PDE6D: variants seen among roughly 807,000 people sequenced by gnomAD.
PDE6D encodes the protein phosphodiesterase 6D.
PDE6D carries 10 observed loss-of-function variants against 21.9 expected under a neutral mutation model. The observed-to-expected ratio is 0.46, with a 90% CI of 0.28 to 0.78. PDE6D has a LOEUF of 0.78. Ranked by LOEUF, PDE6D falls within the 30% of genes least tolerant of loss-of-function variation. The pLI, the probability that PDE6D is intolerant of heterozygous loss-of-function variation, is 0.12. For missense variants in PDE6D, 139 were observed against 184.8 expected (o/e 0.75, Z 1.44); for synonymous variants, 59 against 63.5 (o/e 0.93, Z 0.34).
At chr2:231,763,346 T>C (rs77844972) in intron 1 of PDE6D, among the ~76,000 whole-genome samples, 1,998 of 152,260 alleles carry the variant, frequency 0.013, 44 homozygotes, top group African/African-American at 0.046. Context: ...GAGCCTCTAT[T>C]CTCCTTTTTT....
At position 231,739,318 on chromosome 2, in the gene PDE6D, T is replaced by C. The variant is rs774802081; in HGVS notation, c.51-130A>G. Reference sequence around the variant, plus strand: ...AAGTTTGTCAAACTGCTCATTGCCATGGAAGCACATAAGAATGTGAGGAGA... The same window carrying C: ...AAGTTTGTCAAACTGCTCATTGCCACGGAAGCACATAAGAATGTGAGGAGA... On this transcript the variant is annotated intron_variant, in intron 1 of 4. Coordinates refer to ENST00000287600, the MANE Select transcript of PDE6D (RefSeq NM_002601.4). This position sits in a 1 kb window ranked among gnomAD's most constrained non-coding sequence, Gnocchi z 4.2. 5.3e-6 allele frequency: 4 copies of C among 756,210 alleles called. No homozygotes were observed. Among genetic ancestry groups the C allele is most frequent in the Non-Finnish European group, 7.3e-6 (3 of 411,256 alleles). The allele number at this position is 756,210 out of a possible 1,614,324, so 46.8% of individuals were successfully genotyped here.
chr2:231,742,408 C>A (rs2048757180), intron 1 of PDE6D, among the ~76,000 whole-genome samples: 1 of 152,164 alleles, frequency 6.6e-6, no homozygotes, highest in Admixed American at 6.5e-5. Flanking sequence ...CAGGTGTGAG[C>A]CACCTTGCCC....
At chr2:231,777,163 C>T (rs1439619995) in intron 1 of PDE6D, among the ~76,000 whole-genome samples, 2 of 152,110 alleles carry the variant, frequency 1.3e-5, no homozygotes, top group Non-Finnish European at 2.9e-5. Flanking sequence ...ACTCTTCTCA[C>T]AAAAACAGAT....
At chr2:231,754,585 T>C (rs2048868776) in intron 1 of PDE6D, among the ~76,000 whole-genome samples, 1 of 150,600 alleles carries the variant, frequency 6.6e-6, no homozygotes, top group African/African-American at 2.4e-5. Flanking sequence ...TTGGCCAGGC[T>C]GGTCTTGAAC....
intron 1 of PDE6D, among the ~76,000 whole-genome samples, chr2:231,752,797 T>C (rs1428445415): frequency 2.0e-5 from 3 of 149,816 alleles, no homozygotes; most frequent in Admixed American, 6.7e-5. Context: ...TAGATAGATA[T>C]ATACAGAGCA....
chr2:231,769,837 G>C (rs1021253567), intron 1 of PDE6D, among the ~76,000 whole-genome samples: 20 of 152,132 alleles, frequency 1.3e-4, no homozygotes, highest in African/African-American at 4.8e-4. Context: ...AAATACTTAA[G>C]GGGCCTTTGA....
At chr2:231,780,908 T>C (rs1162750777) in intron 1 of PDE6D, among the ~76,000 whole-genome samples, 157 bp downstream of exon 1, 1 of 151,984 alleles carries the variant, frequency 6.6e-6, no homozygotes, top group Non-Finnish European at 1.5e-5. Flanking sequence ...TCGCGCCGGG[T>C]CCCGCCGGGT....
chr2:231,737,336 T>C (rs759466852), intron 3 of PDE6D, 44 bp from the exon 4 acceptor site: 3 of 1,074,618 alleles, frequency 2.8e-6, no homozygotes, highest in Non-Finnish European at 2.9e-6. Flanking sequence ...TGCCCCAGTA[T>C]AAAGTTTAAG....
intron 1 of PDE6D, among the ~76,000 whole-genome samples, chr2:231,750,378 G>A (rs2048828472): frequency 6.6e-6 from 1 of 151,994 alleles, no homozygotes; most frequent in African/African-American, 2.4e-5. Context: ...TAAAATGACA[G>A]GTGGTATAGA....
chr2:231,752,657 T>C (rs1282519825), intron 1 of PDE6D, among the ~76,000 whole-genome samples: 1 of 152,056 alleles, frequency 6.6e-6, no homozygotes, highest in Non-Finnish European at 1.5e-5. Flanking sequence ...AACCTTGTAA[T>C]TCCTGGAAAA....
rs938872018 is a variant in PDE6D, at chr2:231,781,200, G to C, written c.-86C>G. The C allele has an allele frequency of 2.0e-5, 28 of 1,383,662 alleles. No individual in the cohort carries two copies. Among genetic ancestry groups the C allele is most frequent in the Non-Finnish European group, 2.9e-5 (28 of 981,768 alleles). The allele number at this position is 1,383,662 out of a possible 1,614,324, so 85.7% of individuals were successfully genotyped here. ...CCCAGGAGCCGAGGATGGAGCCGCA[G>C]CCCGGCTTGGAGACCTCGGGCTAGC... On this transcript the variant is annotated 5_prime_UTR_variant, in exon 1 of 5. Transcript: ENST00000287600.
chr2:231,736,254 A>T (rs571516861), intron 4 of PDE6D, among the ~76,000 whole-genome samples: 1 of 152,138 alleles, frequency 6.6e-6, no homozygotes, highest in Non-Finnish European at 1.5e-5. Flanking sequence ...CAAATTCAAT[A>T]TGGCTTTCAT....
At chr2:231,744,543 C>G (rs1415214232) in intron 1 of PDE6D, among the ~76,000 whole-genome samples, 1 of 151,616 alleles carries the variant, frequency 6.6e-6, no homozygotes, top group Non-Finnish European at 1.5e-5. Flanking sequence ...AAGTGATTCT[C>G]CTGCCTCAGC....
chr2:231,738,177 GAAA>G, intron 2 of PDE6D, 39 bp from the exon 3 acceptor site: 1 of 1,590,038 alleles, frequency 6.3e-7, no homozygotes, highest in Non-Finnish European at 8.6e-7. Context: ...CTTTCTAAAT[GAAA>G]ACCACAGGAC....
At chr2:231,777,466 A>G (rs193249173) in intron 1 of PDE6D, among the ~76,000 whole-genome samples, 244 of 152,218 alleles carry the variant, frequency 1.6e-3, no homozygotes, top group African/African-American at 5.7e-3. Context: ...CACCATGCCC[A>G]GCCAAGTCCT....
intron 1 of PDE6D, among the ~76,000 whole-genome samples, chr2:231,751,425 G>T (rs2048839340): frequency 1.3e-5 from 2 of 152,316 alleles, no homozygotes; most frequent in South Asian, 2.1e-4. Flanking sequence ...GAGATTACAG[G>T]CGTGAGCACT....
chr2:231,737,630 T>C (rs982627762), intron 3 of PDE6D: 1 of 309,230 alleles, frequency 3.2e-6, no homozygotes, highest in Non-Finnish European at 6.0e-6. Flanking sequence ...AAGGGGCTTA[T>C]GTGCCCTTTA....
chr2:231,765,322 A>T (rs1271300684), intron 1 of PDE6D, among the ~76,000 whole-genome samples: 1 of 151,852 alleles, frequency 6.6e-6, no homozygotes, highest in Admixed American at 6.6e-5. Context: ...TAAACCTGGA[A>T]CTCAGAAAGA....
intron 1 of PDE6D, among the ~76,000 whole-genome samples, chr2:231,756,012 A>C (rs1316574427): frequency 6.6e-6 from 1 of 152,208 alleles, no homozygotes; most frequent in Non-Finnish European, 1.5e-5. Flanking sequence ...TGGTAGAGAA[A>C]TGGTTAAAAG....
Sources: allele counts gnomAD v4.1 joint callset (sites outside exome capture counted in the v4.1 genomes callset), GRCh38; gene constraint gnomAD v4.1.1; non-coding constraint Gnocchi (gnomAD v3.1); transcripts MANE v1.5; gene names NCBI Gene and HGNC (gene_info 2026-07-23, HGNC 2026-07-21).